Variants in WWC2 observed in about 807,000 individuals in gnomAD.
WWC2 encodes WW and C2 domain containing 2, also known as protein WWC2.
Under a neutral mutation model 138.5 loss-of-function variants are expected in WWC2, and 101 were observed. The observed-to-expected ratio is 0.73, with a 90% CI of 0.62 to 0.86. The LOEUF is 0.86. Among genes scored for constraint, WWC2 ranks in the 40% least tolerant of loss-of-function variants. The probability of loss-of-function intolerance (pLI) is 0.00; values close to 1 mark genes in which losing one functional copy is unlikely to be tolerated. For missense variants in WWC2, 1,420 were observed against 1,419.4 expected, an observed-to-expected ratio of 1.00 and a Z score of -0.01; for synonymous variants, 558 against 538.4, an observed-to-expected ratio of 1.04 and a Z score of -0.50.
chr4:183,265,256 T>G, intron 12 of WWC2, 149 bp downstream of exon 12: 2 of 1,143,496 alleles, frequency 1.7e-6, no homozygotes, highest in Non-Finnish European at 2.3e-6. Context: ...CCTGAAAAGT[T>G]CAGTATATCA....
intron 1 of WWC2, among the ~76,000 whole-genome samples, chr4:183,102,600 G>A (rs578171878): frequency 6.6e-6 from 1 of 152,162 alleles, no homozygotes; most frequent in Non-Finnish European, 1.5e-5. Context: ...CGACGCTTGC[G>A]CATGTTCAGG....
chr4:183,247,700 ATACTATATG>A (rs1736840322), intron 6 of WWC2, among the ~76,000 whole-genome samples: 1 of 139,284 alleles, frequency 7.2e-6, no homozygotes, highest in Non-Finnish European at 1.5e-5. Flanking sequence ...TATACTATAT[ATACTATATG>A]TACTATATAT....
chr4:183,165,341 A>G (rs111314773), intron 1 of WWC2, among the ~76,000 whole-genome samples: 2 of 152,210 alleles, frequency 1.3e-5, no homozygotes, highest in Admixed American at 6.5e-5. Context: ...TTCCACCCTG[A>G]TAACAACAGA....
chr4:183,240,789 GCTC>G (rs747109735), intron 5 of WWC2, among the ~76,000 whole-genome samples: 42 of 152,270 alleles, frequency 2.8e-4, no homozygotes, highest in Non-Finnish European at 4.9e-4. Flanking sequence ...GCGGGAGTGC[GCTC>G]CTCACTTCCT....
chr4:183,248,692 AC>A (rs761338914), intron 6 of WWC2, 21 bp from the exon 7 acceptor site: 1 of 1,558,614 alleles, frequency 6.4e-7, no homozygotes, highest in East Asian at 2.3e-5. Flanking sequence ...GCTTTATGAA[AC>A]ACTTTGTGTT....
chr4:183,182,948 C>T (rs559692537), intron 1 of WWC2, among the ~76,000 whole-genome samples: 1 of 152,280 alleles, frequency 6.6e-6, no homozygotes, highest in South Asian at 2.1e-4. Flanking sequence ...TTCCTTCCTA[C>T]TCTTCTTCCA....
intron 1 of WWC2, among the ~76,000 whole-genome samples, chr4:183,175,209 A>T (rs1734428805): frequency 6.6e-6 from 1 of 152,208 alleles, no homozygotes; most frequent in Non-Finnish European, 1.5e-5. Context: ...GTCTAACATC[A>T]TCTGACATCT....
At chr4:183,166,760 A>G in intron 1 of WWC2, among the ~76,000 whole-genome samples, 1 of 152,236 alleles carries the variant, frequency 6.6e-6, no homozygotes, top group South Asian at 2.1e-4. Context: ...ATATATAACT[A>G]GAAGGTAGTC....
At chr4:183,192,634 T>C (rs1735021109) in intron 1 of WWC2, among the ~76,000 whole-genome samples, 1 of 152,238 alleles carries the variant, frequency 6.6e-6, no homozygotes, top group South Asian at 2.1e-4. Flanking sequence ...GATGTGATTC[T>C]GAAAATGACC....
chr4:183,189,401 C>T (rs912373076), intron 1 of WWC2, among the ~76,000 whole-genome samples: 1 of 149,790 alleles, frequency 6.7e-6, no homozygotes, highest in Admixed American at 6.7e-5. Flanking sequence ...CGCGCCACTG[C>T]ACTGTGGCCT....
At chr4:183,142,888 A>T (rs534073190) in intron 1 of WWC2, among the ~76,000 whole-genome samples, 1 of 152,336 alleles carries the variant, frequency 6.6e-6, no homozygotes, top group African/African-American at 2.4e-5. Flanking sequence ...CCTTCCATAA[A>T]TTATATATAA....
intron 1 of WWC2, among the ~76,000 whole-genome samples, chr4:183,149,180 T>C (rs1035129375): frequency 2.0e-5 from 3 of 152,110 alleles, no homozygotes; most frequent in Non-Finnish European, 4.4e-5. Context: ...ACACTAGAAC[T>C]TTGCCAGCCA....
At chr4:183,231,388 G>A (rs1453637069) in intron 4 of WWC2, among the ~76,000 whole-genome samples, 1 of 146,252 alleles carries the variant, frequency 6.8e-6, no homozygotes, top group African/African-American at 2.5e-5. Context: ...TTGTGCCTCA[G>A]CCTCCTGAGT....
intron 1 of WWC2, 82 bp from the exon 2 acceptor site, chr4:183,193,517 C>A: frequency 1.7e-6 from 2 of 1,162,548 alleles, no homozygotes; most frequent in Non-Finnish European, 2.5e-6. Context: ...GCAACCTAGA[C>A]ACTTGTGGTT....
chr4:183,174,304 C>G (rs1734393695), intron 1 of WWC2, among the ~76,000 whole-genome samples: 2 of 152,234 alleles, frequency 1.3e-5, no homozygotes. Flanking sequence ...AGACTTCTGG[C>G]AAGTCCTCCA....
chr4:183,204,785 T>C (rs931976760), intron 2 of WWC2, among the ~76,000 whole-genome samples: 5 of 152,224 alleles, frequency 3.3e-5, no homozygotes, highest in African/African-American at 1.2e-4. Context: ...TTCTCAGTAC[T>C]GCTGGGCCCA....
intron 4 of WWC2, 66 bp downstream of exon 4, chr4:183,209,091 G>A (rs1735525121): frequency 2.6e-6 from 3 of 1,158,200 alleles, no homozygotes; most frequent in Non-Finnish European, 2.5e-6. Context: ...CTGTGGAAGG[G>A]GCTTTAGTGA....
chr4:183,242,804 CAT>C (rs1332811930), intron 5 of WWC2, among the ~76,000 whole-genome samples: 1 of 152,130 alleles, frequency 6.6e-6, no homozygotes, highest in African/African-American at 2.4e-5. Flanking sequence ...CAGCTTTTCT[CAT>C]ATTAAGAACA....
At chr4:183,121,903 A>T (rs1732610957) in intron 1 of WWC2, among the ~76,000 whole-genome samples, 1 of 149,854 alleles carries the variant, frequency 6.7e-6, no homozygotes, top group African/African-American at 2.5e-5. Context: ...CTCCTGCCTC[A>T]GCTTCCCGAG....
Sources: gnomAD v4.1 joint callset for allele counts (sites outside exome capture counted in the v4.1 genomes callset) on GRCh38, gnomAD v4.1.1 for gene constraint, MANE v1.5 for transcripts, NCBI Gene and HGNC (gene_info 2026-07-23, HGNC 2026-07-21) for gene names.